DHX9: variants seen among roughly 807,000 people sequenced by gnomAD.
DHX9 encodes the protein ATP-dependent RNA helicase A.
Under a neutral mutation model 148.7 loss-of-function variants are expected in DHX9, and 27 were observed. That is an observed-to-expected ratio of 0.18 (90% CI 0.13 to 0.25). The LOEUF (loss-of-function observed/expected upper bound fraction) is 0.25. Among genes scored for constraint, DHX9 ranks in the 10% least tolerant of loss-of-function variants. The pLI, the probability that DHX9 is intolerant of heterozygous loss-of-function variation, is 1.00. For missense variants in DHX9, 796 were observed against 1,559.6 expected (o/e 0.51, Z 8.25); for synonymous variants, 529 against 516.6 (o/e 1.02, Z -0.33).
At chr1:182,878,989 C>A (rs556927180) in intron 20 of DHX9, among the ~76,000 whole-genome samples, 2 of 152,202 alleles carry the variant, frequency 1.3e-5, no homozygotes, top group African/African-American at 4.8e-5. Flanking sequence ...TAATAACATT[C>A]GCGATTTTGG....
intron 6 of DHX9, chr1:182,855,736 A>AAGG: frequency 1.0e-6 from 1 of 985,434 alleles, no homozygotes; most frequent in Non-Finnish European, 1.2e-6. Flanking sequence ...GAGGTATAGG[A>AAGG]AGGAGTCTAA....
Position 182,887,883 on chromosome 1 carries a change from G to GA in DHX9, c.*451dup, listed in dbSNP as rs1318938791. 2 of 164,430 alleles carry GA rather than the reference G, an allele frequency of 1.2e-5. No homozygotes were observed. Among genetic ancestry groups the GA allele is most frequent in the African/African-American group, 4.8e-5 (2 of 41,560 alleles). The allele number at this position is 164,430 out of a possible 1,614,324, so 10.2% of individuals were successfully genotyped here. A position where few individuals can be genotyped will look rare whatever the true frequency, so the allele number is the denominator to read the frequency against. Reference sequence around the variant, plus strand: ...ATACTAAGTGATACTACTTGTAATAGAATAAATCATCTTGGAATTGAATTG... The same window carrying GA: ...ATACTAAGTGATACTACTTGTAATAGAAATAAATCATCTTGGAATTGAATTG... On this transcript the variant is annotated 3_prime_UTR_variant, in exon 28 of 28. Coordinates refer to ENST00000367549, the MANE Select transcript of DHX9 (RefSeq NM_001357.5).
Position 182,878,462 on chromosome 1 carries a change from GTTAC to G in DHX9, c.2351+293_2351+296del, listed in dbSNP as rs1160404853. On this transcript the variant is annotated intron_variant, in intron 20 of 27. Transcript: ENST00000367549. ...TTTCCCTCATTCTATAAAATATTAA[GTTAC>G]TTAACCTCTCTTGTTTCCTCAGTTG... is the stretch of plus-strand genomic sequence containing the variant. 5.9e-5 allele frequency among the ~76,000 whole-genome samples: 9 copies of G among 152,232 alleles called. No individual in the cohort carries two copies. The East Asian group carries it at 1.7e-3, about 29-fold the overall frequency.
At chr1:182,871,741 A>G (rs1489944355) in intron 14 of DHX9, among the ~76,000 whole-genome samples, 7 of 152,226 alleles carry the variant, frequency 4.6e-5, no homozygotes, top group Non-Finnish European at 1.5e-5. Context: ...ATGCTGTTGT[A>G]TATAAAAAAG....
rs186304006 is a variant in DHX9, at chr1:182,869,231, G to A, written c.1557+2188G>A. On this transcript the variant is annotated intron_variant, in intron 14 of 27. Coordinates refer to ENST00000367549, the MANE Select transcript of DHX9 (RefSeq NM_001357.5). ...TTGAGGTCTGTGTACTATTCACAGT[G>A]AAACCTTGTCCGGTATTGTTTGGTC... Among the ~76,000 whole-genome samples the A allele has an allele frequency of 4.6e-5, 7 of 152,310 alleles. No individual in the cohort carries two copies. The East Asian group carries it at 1.4e-3, about 29-fold the overall frequency.
At chr1:182,868,900 T>C (rs1392207377) in intron 14 of DHX9, among the ~76,000 whole-genome samples, 2 of 152,198 alleles carry the variant, frequency 1.3e-5, no homozygotes, top group Non-Finnish European at 1.5e-5. Flanking sequence ...CTATAAATCA[T>C]GTAACTTTTC....
At chr1:182,876,355 G>A in intron 17 of DHX9, 92 bp downstream of exon 17, 2 of 1,563,478 alleles carry the variant, frequency 1.3e-6, no homozygotes, top group South Asian at 1.1e-5. Flanking sequence ...ATTTTGTATT[G>A]TTTCTACTTT....
At chr1:182,853,480 A>G in intron 5 of DHX9, 62 bp downstream of exon 5, 1 of 1,264,134 alleles carries the variant, frequency 7.9e-7, no homozygotes. Flanking sequence ...TTAACAGCAA[A>G]GCTTAGGATT....
chr1:182,882,673 T>G (rs960206580), intron 24 of DHX9, among the ~76,000 whole-genome samples: 7 of 152,112 alleles, frequency 4.6e-5, no homozygotes, highest in Non-Finnish European at 8.8e-5. Context: ...GAGACCATCC[T>G]GGCTAACACG....
intron 3 of DHX9, among the ~76,000 whole-genome samples, chr1:182,849,836 T>C (rs530058643): frequency 5.9e-5 from 9 of 152,188 alleles, no homozygotes; most frequent in Non-Finnish European, 1.3e-4. Context: ...TCTTTTCCTC[T>C]GTGTTTGTTA....
chr1:182,845,164 T>A (rs189716346), intron 3 of DHX9, among the ~76,000 whole-genome samples: 61 of 152,328 alleles, frequency 4.0e-4, no homozygotes, highest in African/African-American at 1.4e-3. Flanking sequence ...TTTGCCTATC[T>A]GTAAAATGAA....
At chr1:182,871,659 A>G (rs1472391655) in intron 14 of DHX9, among the ~76,000 whole-genome samples, 1 of 152,242 alleles carries the variant, frequency 6.6e-6, no homozygotes, top group African/African-American at 2.4e-5. Context: ...ATTAACTGAT[A>G]TATTCATACA....
At chr1:182,859,494 A>C (rs1164314453) in intron 11 of DHX9, among the ~76,000 whole-genome samples, 1 of 152,248 alleles carries the variant, frequency 6.6e-6, no homozygotes, top group African/African-American at 2.4e-5. Flanking sequence ...TCAGAAGTGT[A>C]GTGAAAAGAA....
rs117287045 is a variant in DHX9, at chr1:182,872,952, T to C, written c.1714+459T>C. Among the ~76,000 whole-genome samples the C allele has an allele frequency of 1.7e-3, 259 of 152,246 alleles. 7 individuals carry two copies. In the East Asian group the frequency reaches 0.047, roughly 28 times the overall value. ...GTATTTCTGATAAGTGAGAGTTCTT[T>C]AGTATCTTTTTGTTTTTCTAAGACA... is the stretch of plus-strand genomic sequence containing the variant. On this transcript the variant is annotated intron_variant, in intron 15 of 27. Transcript: ENST00000367549.
At chr1:182,869,264 C>G (rs770698660) in intron 14 of DHX9, among the ~76,000 whole-genome samples, 1 of 152,146 alleles carries the variant, frequency 6.6e-6, no homozygotes, top group African/African-American at 2.4e-5. Context: ...GTCCAGTCTT[C>G]TCCAGTCCTG....
intron 2 of DHX9, among the ~76,000 whole-genome samples, chr1:182,843,045 T>C (rs1414457164): frequency 1.3e-5 from 2 of 152,128 alleles, no homozygotes; most frequent in South Asian, 2.1e-4. Context: ...TATTACAGAA[T>C]CAGATTTTAA....
At chr1:182,870,618 A>G (rs1407691090) in intron 14 of DHX9, among the ~76,000 whole-genome samples, 2 of 152,238 alleles carry the variant, frequency 1.3e-5, no homozygotes, top group Non-Finnish European at 2.9e-5. Flanking sequence ...TCGGTTCCCT[A>G]CCTCATAACT....
intron 3 of DHX9, among the ~76,000 whole-genome samples, chr1:182,843,962 A>G (rs537249400): frequency 1.1e-4 from 16 of 152,164 alleles, no homozygotes; most frequent in African/African-American, 3.9e-4. Context: ...ACTTCTGGCA[A>G]GTTCTTTGTG....
intron 12 of DHX9, among the ~76,000 whole-genome samples, chr1:182,866,018 T>A (rs1406764830): frequency 6.6e-6 from 1 of 152,230 alleles, no homozygotes; most frequent in Non-Finnish European, 1.5e-5. Context: ...AATGTTTGAT[T>A]ACTGAATTAA....
Sources: allele counts gnomAD v4.1 joint callset (sites outside exome capture counted in the v4.1 genomes callset), GRCh38; gene constraint gnomAD v4.1.1; transcripts MANE v1.5; gene names NCBI Gene and HGNC (gene_info 2026-07-23, HGNC 2026-07-21).